The following KIF21A variants were observed in gnomAD, a reference collection of about 807,000 sequenced individuals.
KIF21A encodes the protein kinesin-like protein KIF21A.
A neutral mutation model predicts 202.9 loss-of-function variants in KIF21A; 114 were observed. The observed-to-expected ratio is 0.56, with a 90% CI of 0.48 to 0.66. KIF21A has a LOEUF of 0.66. Ranked by LOEUF, KIF21A falls within the 30% of genes least tolerant of loss-of-function variation. The probability of loss-of-function intolerance (pLI) is 0.00; values close to 1 mark genes in which losing one functional copy is unlikely to be tolerated. For missense variants in KIF21A, 1,677 were observed against 1,994.9 expected, an observed-to-expected ratio of 0.84 and a Z score of 3.04; for synonymous variants, 667 against 670.8, an observed-to-expected ratio of 0.99 and a Z score of 0.09.
At chr12:39,379,886 T>A (rs1950505839) in intron 1 of KIF21A, among the ~76,000 whole-genome samples, 1 of 152,242 alleles carries the variant, frequency 6.6e-6, no homozygotes, top group South Asian at 2.1e-4. Flanking sequence ...TCCTAAATTA[T>A]ATTGTTTTGA....
intron 1 of KIF21A, among the ~76,000 whole-genome samples, chr12:39,409,524 GAAAAA>G (rs766308414): frequency 2.3e-5 from 2 of 87,942 alleles, no homozygotes; most frequent in Non-Finnish European, 5.0e-5. Flanking sequence ...CCATGTCTCA[GAAAAA>G]AAAAAAAAAA....
At chr12:39,358,674 CTACAA>C (rs1279632995) in intron 7 of KIF21A, among the ~76,000 whole-genome samples, 1 of 152,192 alleles carries the variant, frequency 6.6e-6, no homozygotes, top group Admixed American at 6.5e-5. Context: ...ATTAAACTGA[CTACAA>C]TACATTACAC....
At chr12:39,374,661 A>T (rs189452577) in intron 1 of KIF21A, among the ~76,000 whole-genome samples, 2 of 151,260 alleles carry the variant, frequency 1.3e-5, no homozygotes, top group African/African-American at 4.9e-5. Context: ...TACACTAGGT[A>T]AAAAAAAGAG....
At chr12:39,409,517 T>C (rs1952902290) in intron 1 of KIF21A, among the ~76,000 whole-genome samples, 1 of 139,462 alleles carries the variant, frequency 7.2e-6, no homozygotes, top group African/African-American at 2.7e-5. Flanking sequence ...AGTGAGACCA[T>C]GTCTCAGAAA....
Position 39,325,828 on chromosome 12 carries a change from GT to G in KIF21A, c.3456+10del. ...AAAACATGTTTACCTGATACTTTTA[GT>G]TCTCCTTACCTTGTTCTTAGGTTTC... On this transcript the variant is annotated intron_variant, in intron 26 of 37. Transcript: ENST00000361418. 1 of 1,593,420 alleles carries G rather than the reference GT, an allele frequency of 6.3e-7. No homozygotes were observed. The highest frequency in any genetic ancestry group is 8.6e-7 in the Non-Finnish European group (1 of 1,161,530).
chr12:39,367,478 C>T (rs1380647304), intron 4 of KIF21A, among the ~76,000 whole-genome samples: 1 of 152,150 alleles, frequency 6.6e-6, no homozygotes, highest in Non-Finnish European at 1.5e-5. Flanking sequence ...TCAGACGCTT[C>T]TCTATATTCC....
At chr12:39,413,613 C>T (rs1953293265) in intron 1 of KIF21A, among the ~76,000 whole-genome samples, 2 of 152,198 alleles carry the variant, frequency 1.3e-5, no homozygotes, top group South Asian at 4.2e-4. Context: ...AAAAATGATA[C>T]ACATATCATA....
rs1334283961 is a variant in KIF21A at position 39,320,959 on chromosome 12, AG to A, written c.3672-947del. 2.4e-3 allele frequency among the ~76,000 whole-genome samples: 345 copies of A among 144,056 alleles called. 6 individuals carry two copies. Among genetic ancestry groups the A allele is most frequent in the African/African-American group, 8.5e-3 (318 of 37,352 alleles). The allele number at this position is 144,056 out of a possible 152,430, so 94.5% of individuals were successfully genotyped here. ...AAAAAAAAAAAAAAAAAAAAAAAAA[AG>A]TCTGGGAAAAAAAAAACACTAAGGA... is the stretch of plus-strand genomic sequence containing the variant. On this transcript the variant is annotated intron_variant, in intron 27 of 37. Coordinates refer to ENST00000361418, the MANE Select transcript of KIF21A (RefSeq NM_001173464.2).
chr12:39,379,248 A>G (rs1950458232), intron 1 of KIF21A, among the ~76,000 whole-genome samples: 1 of 151,784 alleles, frequency 6.6e-6, no homozygotes, highest in Non-Finnish European at 1.5e-5. Flanking sequence ...GAATTGCTTG[A>G]ACATAGGAGG....
intron 16 of KIF21A, 70 bp downstream of exon 16, chr12:39,340,095 G>A (rs1592231741): frequency 1.7e-6 from 2 of 1,197,214 alleles, no homozygotes; most frequent in Non-Finnish European, 1.2e-6. Flanking sequence ...CACAAGAGTT[G>A]TTTATTTTTT....
chr12:39,368,023 C>A lies in KIF21A; in HGVS notation c.460G>T (p.Glu154Ter), dbSNP rs1949713249. 2 of 1,584,426 alleles carry A rather than the reference C, an allele frequency of 1.3e-6. No individual in the cohort carries two copies. The highest frequency in any genetic ancestry group is 1.3e-5 in the African/African-American group (1 of 74,300). Reference protein sequence around the residue: ...VNAQFLELYNEEVLDLFDTTR... With the variant: ...VNAQFLELYN ...GTATCAAATAAGTCAAGGACCTCTT[C>A]ATTATAGAGCTATCAAAAAAATATT... Residue 154 changes from glutamate to a stop codon, truncating the protein, a stop_gained, in exon 4 of 38, where the codon GAA becomes TAA. Coordinates refer to ENST00000361418, the MANE Select transcript of KIF21A (RefSeq NM_001173464.2). LOFTEE classifies it high-confidence loss of function.
Position 39,304,099 on chromosome 12 carries a change from G to A in KIF21A, c.4560+722C>T, listed in dbSNP as rs539195336. Among the ~76,000 whole-genome samples, 8 of 152,156 alleles carry A rather than the reference G, an allele frequency of 5.3e-5. No homozygotes were observed. In the East Asian group the frequency reaches 1.2e-3, roughly 22 times the overall value. Reference sequence around the variant, plus strand: ...GCCCAGCTCCTAAGTACATAAATACGTTCATGTCTCTAGGGTATAGAATCC... The same window carrying A: ...GCCCAGCTCCTAAGTACATAAATACATTCATGTCTCTAGGGTATAGAATCC... On this transcript the variant is annotated intron_variant, in intron 35 of 37. Coordinates refer to ENST00000361418, the MANE Select transcript of KIF21A (RefSeq NM_001173464.2).
rs975320101 is a variant in KIF21A at position 39,346,361 on chromosome 12, C to T, written c.1712+105G>A. 3 of 665,958 alleles carry T rather than the reference C, an allele frequency of 4.5e-6. No individual in the cohort carries two copies. In the South Asian group the frequency reaches 2.1e-4, roughly 47 times the overall value. The allele number at this position is 665,958 out of a possible 1,614,324, so 41.3% of individuals were successfully genotyped here. On this transcript the variant is annotated intron_variant, in intron 12 of 37. Transcript: ENST00000361418. ...AGCATTACTTTTAGGAGCAGCCCAG[C>T]TTATCTAGTCTGAAACAATCTATAA...
intron 11 of KIF21A, among the ~76,000 whole-genome samples, chr12:39,347,028 C>T (rs992378689): frequency 6.6e-6 from 1 of 151,650 alleles, no homozygotes; most frequent in African/African-American, 2.4e-5. Flanking sequence ...TTTTAATATA[C>T]TACATATGAA....
At chr12:39,353,710 A>G (rs116523906) in intron 10 of KIF21A, among the ~76,000 whole-genome samples, 164 of 152,242 alleles carry the variant, frequency 1.1e-3, no homozygotes, top group Middle Eastern at 6.8e-3. Context: ...TTTTTACATA[A>G]TGTTAAAAGT....
intron 1 of KIF21A, among the ~76,000 whole-genome samples, chr12:39,373,784 C>A (rs1213339885): frequency 2.0e-5 from 3 of 152,124 alleles, no homozygotes; most frequent in African/African-American, 7.2e-5. Flanking sequence ...ATGTCTTTAA[C>A]TTATTCTCTT....
intron 12 of KIF21A, among the ~76,000 whole-genome samples, chr12:39,344,375 T>C (rs1297758983): frequency 6.6e-6 from 1 of 152,166 alleles, no homozygotes; most frequent in East Asian, 1.9e-4. Context: ...GGACAATTTG[T>C]AGGGAGACAT....
At chr12:39,383,952 G>A (rs1447282605) in intron 1 of KIF21A, among the ~76,000 whole-genome samples, 1 of 152,142 alleles carries the variant, frequency 6.6e-6, no homozygotes, top group Non-Finnish European at 1.5e-5. Flanking sequence ...GGTCTGAGTG[G>A]TCTAGGAGCT....
chr12:39,430,458 C>T (rs1048381239), intron 1 of KIF21A, among the ~76,000 whole-genome samples: 9 of 151,182 alleles, frequency 6.0e-5, no homozygotes, highest in South Asian at 2.1e-4. Context: ...CCCAGCTATT[C>T]GGGAGACTGA....
Sources: allele counts gnomAD v4.1 joint callset (sites outside exome capture counted in the v4.1 genomes callset), GRCh38; gene constraint gnomAD v4.1.1; transcripts MANE v1.5; gene names NCBI Gene and HGNC (gene_info 2026-07-23, HGNC 2026-07-21).